The following ANGPT4 variants were observed in gnomAD, a reference collection of about 807,000 sequenced individuals.
ANGPT4 encodes angiopoietin 4.
Under a neutral mutation model 53.0 loss-of-function variants are expected in ANGPT4, and 50 were observed. The observed-to-expected ratio is 0.94, with a 90% CI of 0.75 to 1.20. The LOEUF is 1.20. Ranked by LOEUF, ANGPT4 falls within the 50% of genes most tolerant of loss-of-function variation. The pLI is 0.00. For synonymous variants in ANGPT4, 251 were observed against 259.7 expected (o/e 0.97, Z 0.32); for missense variants, 648 against 637.1 (o/e 1.02, Z -0.18).
chr20:888,284 C>T (rs1981691921), intron 3 of ANGPT4, 34 bp downstream of exon 3: 1 of 1,600,636 alleles, frequency 6.2e-7, no homozygotes, highest in Non-Finnish European at 8.5e-7. Context: ...AGCCCCAGCC[C>T]CTGTCCTAGT....
intron 1 of ANGPT4, among the ~76,000 whole-genome samples, chr20:907,773 C>T (rs1433532014): frequency 6.6e-6 from 1 of 152,154 alleles, no homozygotes; most frequent in Non-Finnish European, 1.5e-5. Flanking sequence ...CCTGCCCACC[C>T]CCCAACCTCA....
chr20:898,792 A>G (rs762889288), intron 1 of ANGPT4, among the ~76,000 whole-genome samples: 77 of 152,214 alleles, frequency 5.1e-4, no homozygotes, highest in Non-Finnish European at 3.7e-4. Context: ...TTGTTCCTCC[A>G]GGACCTCCTC....
In ANGPT4 at chr20:911,884, G is replaced by A. The variant is rs1384988546; in HGVS notation, c.309+4022C>T. Among the ~76,000 whole-genome samples, 1 of 151,982 alleles carries A rather than the reference G, an allele frequency of 6.6e-6. No homozygotes were observed. Among genetic ancestry groups the A allele is most frequent in the Non-Finnish European group, 1.5e-5 (1 of 67,970 alleles). ...AGAGAGACAGAGAGAGGGAGAAAGA[G>A]ACAGAGACAGACAGAGATAGACAGG... On this transcript the variant is annotated intron_variant, in intron 1 of 8. Coordinates refer to ENST00000381922, the MANE Select transcript of ANGPT4 (RefSeq NM_015985.4). The surrounding 1 kb of genome is among the most constrained non-coding windows in gnomAD (Gnocchi z 4.9).
intron 5 of ANGPT4, among the ~76,000 whole-genome samples, chr20:880,668 C>T (rs1272309179): frequency 6.6e-6 from 1 of 152,178 alleles, no homozygotes; most frequent in African/African-American, 2.4e-5. Context: ...TCCCTCCTGA[C>T]ATCCGTGCTC....
chr20:898,247 C>A (rs1386732637), intron 1 of ANGPT4, among the ~76,000 whole-genome samples: 1 of 152,142 alleles, frequency 6.6e-6, no homozygotes, highest in Admixed American at 6.5e-5. Flanking sequence ...GCTCCCCTAC[C>A]CTATAATCCT....
chr20:890,426 T>G lies in ANGPT4; in HGVS notation c.310-58A>C, dbSNP rs1169394754. On this transcript the variant is annotated intron_variant, in intron 1 of 8. Transcript: ENST00000381922. The stretch of plus-strand genomic sequence containing the variant: ...AGGGGCGGGGGAAGCCCCCTGTCCC[T>G]CCCACGTGTCACCATGGGAGGGCAC... 2.0e-5 allele frequency: 31 copies of G among 1,512,426 alleles called. No individual in the cohort carries two copies. In the East Asian group the frequency reaches 7.1e-4, roughly 35 times the overall value. The allele number at this position is 1,512,426 out of a possible 1,614,324, so 93.7% of individuals were successfully genotyped here.
At chr20:878,799 T>C (rs576633460) in intron 6 of ANGPT4, among the ~76,000 whole-genome samples, 2 of 152,328 alleles carry the variant, frequency 1.3e-5, no homozygotes, top group Non-Finnish European at 2.9e-5. Flanking sequence ...AATATTTCAA[T>C]CAGCTACATA....
intron 1 of ANGPT4, 31 bp from the exon 2 acceptor site, chr20:890,399 G>T (rs1314010772): frequency 1.9e-6 from 3 of 1,585,214 alleles, no homozygotes; most frequent in South Asian, 1.1e-5. Context: ...GGGTCACGGG[G>T]GAGGGGCGGG....
chr20:913,103 G>C (rs1214523104), intron 1 of ANGPT4, among the ~76,000 whole-genome samples: 1 of 152,152 alleles, frequency 6.6e-6, no homozygotes, highest in Non-Finnish European at 1.5e-5. Context: ...ATCTTGCTGA[G>C]AGCTTGTTCA....
Position 871,579 on chromosome 20 carries a change from G to A in ANGPT4, c.*1381C>T. The A allele has an allele frequency of 6.6e-6, 1 of 152,610 alleles. No individual in the cohort carries two copies. The highest frequency in any genetic ancestry group is 1.9e-4 in the East Asian group (1 of 5,184). The allele number at this position is 152,610 out of a possible 1,614,324, so 9.5% of individuals were successfully genotyped here. A position where few individuals can be genotyped will look rare whatever the true frequency, so the allele number is the denominator to read the frequency against. On this transcript the variant is annotated 3_prime_UTR_variant, in exon 9 of 9. Coordinates refer to ENST00000381922, the MANE Select transcript of ANGPT4 (RefSeq NM_015985.4). The stretch of plus-strand genomic sequence containing the variant: ...AGGCAGAGGCCTTATCTCCTCCCCT[G>A]CAGCTCCCCACCTACCACCACAGAG...
At position 886,010 on chromosome 20, in the gene ANGPT4, G is replaced by A. The variant is rs533578787; in HGVS notation, c.588-685C>T. On this transcript the variant is annotated intron_variant, in intron 3 of 8. Transcript: ENST00000381922. Reference sequence around the variant, plus strand: ...TGTGACTTCTGCAGAGCAGGTTTGAGTGGATGAAGATGGAGAGGAGGAAGA... The same window carrying A: ...TGTGACTTCTGCAGAGCAGGTTTGAATGGATGAAGATGGAGAGGAGGAAGA... Among the ~76,000 whole-genome samples the A allele has an allele frequency of 1.8e-4, 28 of 152,358 alleles. 2 individuals carry two copies. The highest frequency in any genetic ancestry group is 6.5e-4 in the African/African-American group (27 of 41,580).
chr20:885,376 G>T, intron 3 of ANGPT4, 51 bp from the exon 4 acceptor site: 1 of 1,464,508 alleles, frequency 6.8e-7, no homozygotes, highest in Non-Finnish European at 9.0e-7. Context: ...CGCGAAGCAC[G>T]CACCCCCGCG....
chr20:912,643 G>C (rs554119512), intron 1 of ANGPT4, among the ~76,000 whole-genome samples: 1 of 152,138 alleles, frequency 6.6e-6, no homozygotes, highest in South Asian at 2.1e-4. Context: ...GGGGAGAGCA[G>C]GGAGAAGAAA....
rs1407390211 is a variant in ANGPT4, at chr20:871,302, G to A, written c.*1658C>T. 1 of 152,454 alleles carries A rather than the reference G, an allele frequency of 6.6e-6. No homozygotes were observed. The highest frequency in any genetic ancestry group is 1.5e-5 in the Non-Finnish European group (1 of 68,218). The allele number at this position is 152,454 out of a possible 1,614,324, so 9.4% of individuals were successfully genotyped here. A position where few individuals can be genotyped will look rare whatever the true frequency, so the allele number is the denominator to read the frequency against. On this transcript the variant is annotated 3_prime_UTR_variant, in exon 9 of 9. Coordinates refer to ENST00000381922, the MANE Select transcript of ANGPT4 (RefSeq NM_015985.4). ...GGGATCGGCTGAGAGTGGGACTCAG[G>A]GCTGGGGCGAGCCAGGGGGATGAAG... is the stretch of plus-strand genomic sequence containing the variant.
At chr20:910,541 G>A (rs1035687711) in intron 1 of ANGPT4, among the ~76,000 whole-genome samples, 2 of 152,180 alleles carry the variant, frequency 1.3e-5, no homozygotes, top group Non-Finnish European at 2.9e-5. Flanking sequence ...TTTCAGAGCT[G>A]GCTCTGAGGT....
intron 3 of ANGPT4, 114 bp downstream of exon 3, chr20:888,204 T>C: frequency 1.4e-6 from 2 of 1,402,918 alleles, no homozygotes; most frequent in Non-Finnish European, 1.9e-6. Context: ...ACGTCCAGCT[T>C]CCGGTCCTGG....
Position 870,404 on chromosome 20 carries a change from C to T in ANGPT4, c.*2556G>A, listed in dbSNP as rs1006346874. 1 of 148,120 alleles carries T rather than the reference C, an allele frequency of 6.8e-6. No homozygotes were observed. Among genetic ancestry groups the T allele is most frequent in the African/African-American group, 2.6e-5 (1 of 38,434 alleles). 9.2% of individuals were successfully genotyped at this position (148,120 alleles called of 1,614,324 possible). On this transcript the variant is annotated 3_prime_UTR_variant, in exon 9 of 9. Transcript: ENST00000381922. ...GTTTTCCGGGCGTGGTGGTAGGCGT[C>T]TGTAATCCCATTACTCAGGAGGCTG...
intron 1 of ANGPT4, among the ~76,000 whole-genome samples, chr20:912,531 C>T (rs1982744910): frequency 6.6e-6 from 1 of 152,148 alleles, no homozygotes; most frequent in African/African-American, 2.4e-5. Flanking sequence ...GGAGCAGAGC[C>T]CAGAGCTGAC....
Position 890,204 on chromosome 20 carries a change from CT to C in ANGPT4, c.465+8del. 6.2e-7 allele frequency: 1 copy of C among 1,612,242 alleles called. No individual in the cohort carries two copies. Among genetic ancestry groups the C allele is most frequent in the Non-Finnish European group, 8.5e-7 (1 of 1,179,114 alleles). Reference sequence around the variant, plus strand: ...GGCCCTCAGTGCCCACTCAGTCACCCTCTGTTACCTGAGCCTCCATGTCGGT... The same window carrying C: ...GGCCCTCAGTGCCCACTCAGTCACCCCTGTTACCTGAGCCTCCATGTCGGT... On this transcript the variant is annotated splice_region_variant and intron_variant, in intron 2 of 8. Coordinates refer to ENST00000381922, the MANE Select transcript of ANGPT4 (RefSeq NM_015985.4).
Sources: gnomAD v4.1 joint callset for allele counts (sites outside exome capture counted in the v4.1 genomes callset) on GRCh38, gnomAD v4.1.1 for gene constraint, Gnocchi (gnomAD v3.1) non-coding constraint, MANE v1.5 for transcripts, NCBI Gene and HGNC (gene_info 2026-07-23, HGNC 2026-07-21) for gene names.